Variants in LGSN observed in about 807,000 individuals in gnomAD.
LGSN encodes lengsin.
In LGSN, 21 loss-of-function variants were observed where a neutral mutation model predicts 19.5. The ratio of observed to expected loss-of-function variants is 1.07; its 90% confidence interval spans 0.76 to 1.55. The LOEUF is 1.55. Among genes scored for constraint, LGSN ranks in the 40% most tolerant of loss-of-function variants. LGSN has a pLI of 0.00. For missense variants in LGSN, 673 were observed against 608.5 expected (o/e 1.11, Z -1.12); for synonymous variants, 257 against 215.6 (o/e 1.19, Z -1.68).
intron 1 of LGSN, among the ~76,000 whole-genome samples, chr6:63,301,152 A>C (rs1768165247): frequency 6.6e-6 from 1 of 152,148 alleles, no homozygotes; most frequent in Non-Finnish European, 1.5e-5. Context: ...TTAGCCAGGC[A>C]TTGTGGCACA....
chr6:63,364,852 A>C, the LGSN span, among the ~76,000 whole-genome samples: 3 of 152,222 alleles, frequency 2.0e-5, no homozygotes, highest in African/African-American at 7.2e-5. Context: ...TACATAACAA[A>C]ATGAAGGCAG....
the LGSN span, among the ~76,000 whole-genome samples, chr6:63,334,542 A>C: frequency 2.0e-5 from 3 of 152,246 alleles, no homozygotes; most frequent in Non-Finnish European, 4.4e-5. Flanking sequence ...TGCCCAAAGC[A>C]ATCTACATAT....
chr6:63,545,485 C>G, the LGSN span, among the ~76,000 whole-genome samples: 1 of 152,130 alleles, frequency 6.6e-6, no homozygotes, highest in Non-Finnish European at 1.5e-5. Flanking sequence ...GTGGCACATG[C>G]CTGTAATCCC....
At chr6:63,361,292 A>C in the LGSN span, among the ~76,000 whole-genome samples, 4 of 152,148 alleles carry the variant, frequency 2.6e-5, no homozygotes, top group Non-Finnish European at 4.4e-5. Flanking sequence ...CTTGAGCTGC[A>C]GTGGGCTCCA....
the LGSN span, among the ~76,000 whole-genome samples, chr6:63,545,789 T>G: frequency 6.6e-6 from 1 of 152,194 alleles, no homozygotes; most frequent in Non-Finnish European, 1.5e-5. Flanking sequence ...ACTCTGAGAT[T>G]CATTCTAGCT....
the LGSN span, among the ~76,000 whole-genome samples, chr6:63,496,949 A>C: frequency 6.6e-6 from 1 of 152,142 alleles, no homozygotes; most frequent in East Asian, 1.9e-4. Flanking sequence ...TAAGAGTACA[A>C]GACAACAAAG....
the LGSN span, among the ~76,000 whole-genome samples, chr6:63,457,776 G>A: frequency 6.6e-6 from 1 of 151,912 alleles, no homozygotes; most frequent in East Asian, 1.9e-4. Flanking sequence ...TTACTCAGGA[G>A]GCTGAGGCAG....
the LGSN span, among the ~76,000 whole-genome samples, chr6:63,547,649 G>T: frequency 6.6e-6 from 1 of 151,312 alleles, no homozygotes; most frequent in East Asian, 2.0e-4. Flanking sequence ...GGGACTACAG[G>T]TGCCCACCAC....
the LGSN span, among the ~76,000 whole-genome samples, chr6:63,466,920 T>C: frequency 6.6e-6 from 1 of 152,154 alleles, no homozygotes; most frequent in Non-Finnish European, 1.5e-5. Context: ...GTTTCATATA[T>C]ACATACAAAA....
chr6:63,336,847 G>A, the LGSN span, among the ~76,000 whole-genome samples: 2 of 151,816 alleles, frequency 1.3e-5, no homozygotes, highest in African/African-American at 4.8e-5. Context: ...CAACAGTACC[G>A]CCTCAGCCTC....
chr6:63,307,154 T>G (rs1768423575), intron 1 of LGSN, among the ~76,000 whole-genome samples: 1 of 152,232 alleles, frequency 6.6e-6, no homozygotes, highest in African/African-American at 2.4e-5. Context: ...ATTGTGCCTA[T>G]TATGTGCTAG....
At chr6:63,434,705 G>C in the LGSN span, among the ~76,000 whole-genome samples, 1 of 151,864 alleles carries the variant, frequency 6.6e-6, no homozygotes, top group African/African-American at 2.4e-5. Context: ...AGCTGGAGCA[G>C]TAAATACCCA....
At position 63,280,799 on chromosome 6, in the gene LGSN, C is replaced by G; in HGVS notation, c.752G>C (p.Gly251Ala). 6.2e-7 allele frequency: 1 copy of G among 1,614,036 alleles called. No individual in the cohort carries two copies. Among genetic ancestry groups the G allele is most frequent in the Non-Finnish European group, 8.5e-7 (1 of 1,179,980 alleles). The change falls in exon 4 of 4, where the codon GGA becomes GCA. Residue 251 changes from glycine (G) to alanine (A), a missense_variant. Coordinates refer to ENST00000370657, the MANE Select transcript of LGSN (RefSeq NM_016571.3). ...GGAGGAAAAACTCTCGACATTGGCT[C>G]CAGTGTGATACAAGCCATCAACAAG... ...QELVDGLYHTGANVESFSSST... is the reference protein window; with the variant it reads ...QELVDGLYHTAANVESFSSST...
At chr6:63,426,656 A>G in the LGSN span, among the ~76,000 whole-genome samples, 1 of 152,096 alleles carries the variant, frequency 6.6e-6, no homozygotes, top group African/African-American at 2.4e-5. Context: ...CTGGGACTAC[A>G]GGTGTGGTGC....
chr6:63,558,094 A>T, the LGSN span, among the ~76,000 whole-genome samples: 1 of 151,732 alleles, frequency 6.6e-6, no homozygotes, highest in South Asian at 2.1e-4. Flanking sequence ...CTGGTCTCGA[A>T]CTCCTGACCT....
At chr6:63,359,357 T>G in the LGSN span, among the ~76,000 whole-genome samples, 1 of 152,228 alleles carries the variant, frequency 6.6e-6, no homozygotes, top group Non-Finnish European at 1.5e-5. Flanking sequence ...TAAAATGAGT[T>G]AGAGAGGATT....
the LGSN span, among the ~76,000 whole-genome samples, chr6:63,365,912 T>C: frequency 6.6e-6 from 1 of 152,194 alleles, no homozygotes; most frequent in Non-Finnish European, 1.5e-5. Context: ...AAACTCTCAA[T>C]AAACTAAGTA....
intron 1 of LGSN, among the ~76,000 whole-genome samples, chr6:63,319,193 C>A (rs1002131982): frequency 1.3e-5 from 2 of 152,190 alleles, no homozygotes; most frequent in African/African-American, 4.8e-5. Context: ...GGTTTGTTCT[C>A]TATATGCCAC....
the LGSN span, among the ~76,000 whole-genome samples, chr6:63,454,424 G>T: frequency 6.6e-6 from 1 of 151,106 alleles, no homozygotes; most frequent in African/African-American, 2.4e-5. Flanking sequence ...GTCGTTAACA[G>T]ATAAGAGGCT....
Sources: allele counts gnomAD v4.1 joint callset (sites outside exome capture counted in the v4.1 genomes callset), GRCh38; gene constraint gnomAD v4.1.1; transcripts MANE v1.5; gene names NCBI Gene and HGNC (gene_info 2026-07-23, HGNC 2026-07-21).